NID2: variants seen among roughly 807,000 people sequenced by gnomAD.
The protein encoded by NID2 is nidogen-2.
In NID2, 83 loss-of-function variants were observed where a neutral mutation model predicts 145.4. The observed-to-expected ratio is 0.57, with a 90% CI of 0.48 to 0.69. The LOEUF (loss-of-function observed/expected upper bound fraction) is 0.69. Ranked by LOEUF, NID2 falls within the 30% of genes least tolerant of loss-of-function variation. The pLI, the probability that NID2 is intolerant of heterozygous loss-of-function variation, is 0.00. For missense variants in NID2, 1,807 were observed against 1,765.7 expected, an observed-to-expected ratio of 1.02 and a Z score of -0.42; for synonymous variants, 739 against 701.3, an observed-to-expected ratio of 1.05 and a Z score of -0.85.
At chr14:52,056,754 T>G in intron 3 of NID2, among the ~76,000 whole-genome samples, 1 of 152,126 alleles carries the variant, frequency 6.6e-6, no homozygotes, top group Admixed American at 6.5e-5. Flanking sequence ...GTCATGCCAC[T>G]GCACTCCAGC....
chr14:52,036,603 A>G (rs1892081122), intron 9 of NID2, among the ~76,000 whole-genome samples: 1 of 152,226 alleles, frequency 6.6e-6, no homozygotes, highest in Non-Finnish European at 1.5e-5. Flanking sequence ...CAGTAGCCAC[A>G]TCATTTTATA....
At chr14:52,030,499 AAG>A (rs10584456) in intron 9 of NID2, among the ~76,000 whole-genome samples, 16,158 of 56,738 alleles carry the variant, frequency 0.28, 1,680 homozygotes, top group Non-Finnish European at 0.33. Context: ...GAAAGAAAGA[AAG>A]AGAAAGAAAG....
At chr14:52,024,910 T>C (rs536495978) in intron 12 of NID2, among the ~76,000 whole-genome samples, 10 of 152,252 alleles carry the variant, frequency 6.6e-5, no homozygotes, top group African/African-American at 2.4e-4. Flanking sequence ...GAGAGAATCA[T>C]TGTAGAAGTG....
intron 6 of NID2, 141 bp downstream of exon 6, chr14:52,042,641 T>G: frequency 1.1e-6 from 1 of 895,808 alleles, no homozygotes; most frequent in East Asian, 2.5e-5. Context: ...CCTCACACAT[T>G]TATTGAGCAC....
chr14:52,040,572 A>G, intron 8 of NID2, 79 bp downstream of exon 8: 1 of 1,209,082 alleles, frequency 8.3e-7, no homozygotes, highest in Non-Finnish European at 1.2e-6. Flanking sequence ...CATGCCATGT[A>G]AGTCATTTAA....
intron 12 of NID2, among the ~76,000 whole-genome samples, chr14:52,022,352 C>A: frequency 6.6e-6 from 1 of 152,180 alleles, no homozygotes; most frequent in East Asian, 1.9e-4. Context: ...GAAATTCCTG[C>A]CCCAAAGATT....
In NID2 at chr14:52,019,215, G is replaced by A. The variant is rs1431022899; in HGVS notation, c.2874C>T (p.Phe958=). 1 of 1,613,408 alleles carries A rather than the reference G, an allele frequency of 6.2e-7. No individual in the cohort carries two copies. The highest frequency in any genetic ancestry group is 2.2e-5 in the East Asian group (1 of 44,866). ...QAQYAYPGAR[F]HIPQCDEQGN... ...CCTGCTCGTCGCATTGGGGGATGTG[G>A]AACCGGGCCCCAGGGTAGGCATACT... The change falls in exon 14 of 22, where the codon TTC becomes TTT. Residue 958 remains phenylalanine, a synonymous_variant. Transcript: ENST00000216286.
intron 5 of NID2, among the ~76,000 whole-genome samples, chr14:52,051,689 C>A (rs957794995): frequency 6.6e-6 from 1 of 152,206 alleles, no homozygotes; most frequent in African/African-American, 2.4e-5. Context: ...TTCTATACTT[C>A]ATACATCCCC....
chr14:52,030,612 GAAAAAGAA>G (rs1891816103), intron 9 of NID2, among the ~76,000 whole-genome samples: 1 of 116,098 alleles, frequency 8.6e-6, no homozygotes, highest in Non-Finnish European at 1.8e-5. Flanking sequence ...GAAAGAGAAA[GAAAAAGAA>G]AGAAAGAGAA....
intron 10 of NID2, 100 bp from the exon 11 acceptor site, chr14:52,028,950 T>C: frequency 1.8e-6 from 2 of 1,131,194 alleles, no homozygotes; most frequent in Non-Finnish European, 2.5e-6. Flanking sequence ...GATGCTTCAA[T>C]GGGACAAATG....
At chr14:52,038,653 T>C in intron 9 of NID2, 94 bp downstream of exon 9, 1 of 932,736 alleles carries the variant, frequency 1.1e-6, no homozygotes, top group Non-Finnish European at 1.6e-6. Flanking sequence ...TAACACAGCA[T>C]GGCACTAGGT....
intron 12 of NID2, among the ~76,000 whole-genome samples, chr14:52,026,598 CAGAG>C (rs1262118576): frequency 1.3e-5 from 2 of 152,196 alleles, no homozygotes; most frequent in African/African-American, 4.8e-5. Flanking sequence ...CATTTATACT[CAGAG>C]AGTTATGTCG....
intron 5 of NID2, among the ~76,000 whole-genome samples, chr14:52,045,463 A>G (rs1285660880): frequency 6.6e-6 from 1 of 152,132 alleles, no homozygotes. Flanking sequence ...CAGTTTGATA[A>G]AAATAGAAAA....
chr14:52,068,282 C>T, intron 1 of NID2, 119 bp from the exon 2 acceptor site: 1 of 961,824 alleles, frequency 1.0e-6, no homozygotes, highest in Non-Finnish European at 1.6e-6. Flanking sequence ...TCCCCACTGG[C>T]CAGGGAGTCT....
intron 12 of NID2, among the ~76,000 whole-genome samples, chr14:52,024,451 C>T (rs1314079473): frequency 6.6e-6 from 1 of 152,194 alleles, no homozygotes; most frequent in East Asian, 1.9e-4. Context: ...GAACCGAATC[C>T]TGCCCATAAC....
At chr14:52,029,754 A>G in intron 9 of NID2, 64 bp from the exon 10 acceptor site, 4 of 1,443,174 alleles carry the variant, frequency 2.8e-6, no homozygotes, top group Non-Finnish European at 2.9e-6. Context: ...TCACGGAGAT[A>G]GAGGAGTCCT....
At chr14:52,011,144 G>GGA in intron 17 of NID2, 97 bp from the exon 18 acceptor site, 1 of 1,195,204 alleles carries the variant, frequency 8.4e-7, no homozygotes, top group Admixed American at 2.0e-5. Context: ...GGTCAGCAGG[G>GGA]GAAAGCAAAG....
intron 3 of NID2, among the ~76,000 whole-genome samples, chr14:52,057,834 C>T (rs1595054002): frequency 6.6e-6 from 1 of 151,914 alleles, no homozygotes; most frequent in Non-Finnish European, 1.5e-5. Flanking sequence ...ATTCTCTCCA[C>T]TTTTCTGTAT....
intron 5 of NID2, among the ~76,000 whole-genome samples, chr14:52,050,786 G>A (rs550412024): frequency 6.6e-6 from 1 of 152,110 alleles, no homozygotes; most frequent in Non-Finnish European, 1.5e-5. Context: ...TTTTAAAATT[G>A]TTTATAGAGG....
Sources: gnomAD v4.1 joint callset for allele counts (sites outside exome capture counted in the v4.1 genomes callset) on GRCh38, gnomAD v4.1.1 for gene constraint, MANE v1.5 for transcripts, NCBI Gene and HGNC (gene_info 2026-07-23, HGNC 2026-07-21) for gene names.